The following ATG7 variants were observed in gnomAD, a reference collection of about 807,000 sequenced individuals.
ATG7 encodes autophagy related 7, also known as ubiquitin-like modifier-activating enzyme ATG7.
A neutral mutation model predicts 82.4 loss-of-function variants in ATG7; 70 were observed. The ratio of observed to expected loss-of-function variants is 0.85; its 90% confidence interval spans 0.70 to 1.04. The LOEUF (loss-of-function observed/expected upper bound fraction) is 1.04, where lower values mean the gene tolerates loss of function less well. ATG7 is among the 50% of genes least tolerant of loss of function. The probability of loss-of-function intolerance (pLI) is 0.00; values close to 1 mark genes in which losing one functional copy is unlikely to be tolerated. For missense variants in ATG7, 792 were observed against 864.3 expected (o/e 0.92, Z 1.05); for synonymous variants, 287 against 313.0 (o/e 0.92, Z 0.88).
At chr3:11,315,551 A>G (rs544373859) in intron 9 of ATG7, 58 bp downstream of exon 9, 3 of 1,412,286 alleles carry the variant, frequency 2.1e-6, no homozygotes, top group Non-Finnish European at 2.8e-6. Flanking sequence ...TCTGAAGTTC[A>G]TGTTACAAGA....
intron 18 of ATG7, among the ~76,000 whole-genome samples, chr3:11,371,675 G>C (rs550863173): frequency 1.3e-5 from 2 of 151,240 alleles, no homozygotes; most frequent in South Asian, 4.2e-4. Flanking sequence ...AGGGACATTA[G>C]GCATTTGAGA....
In ATG7 at chr3:11,511,667, T is replaced by C. The variant is rs980875697; in HGVS notation, c.2080-43144T>C. ...AGGGGGTGGTGCTCGTCGGGGAGGCTCCGGCCGCACAGGAGCCCATGGCGG... is the reference window on the plus strand; with the variant it reads ...AGGGGGTGGTGCTCGTCGGGGAGGCCCCGGCCGCACAGGAGCCCATGGCGG... On this transcript the variant is annotated intron_variant, in intron 20 of 20. Transcript: ENST00000693202. Among the ~76,000 whole-genome samples, 7 of 152,140 alleles carry C rather than the reference T, an allele frequency of 4.6e-5. No individual in the cohort carries two copies. In the South Asian group the frequency reaches 1.0e-3, roughly 23 times the overall value.
At chr3:11,430,904 T>G (rs1009522350) in intron 20 of ATG7, among the ~76,000 whole-genome samples, 2 of 152,170 alleles carry the variant, frequency 1.3e-5, no homozygotes, top group Non-Finnish European at 2.9e-5. Flanking sequence ...AAATAAAAGT[T>G]GGATTTTGGC....
At chr3:11,497,340 C>A (rs1413850599) in intron 20 of ATG7, among the ~76,000 whole-genome samples, 1 of 99,430 alleles carries the variant, frequency 1.0e-5, no homozygotes, top group African/African-American at 4.1e-5. Flanking sequence ...AGTGAAACCC[C>A]GTCTGTACTA....
intron 20 of ATG7, among the ~76,000 whole-genome samples, chr3:11,491,259 T>G (rs993883456): frequency 6.6e-6 from 1 of 152,184 alleles, no homozygotes; most frequent in Non-Finnish European, 1.5e-5. Context: ...TCCACTTGAT[T>G]GCATTGGCTC....
chr3:11,308,532 T>C (rs1484820671), intron 6 of ATG7: 2 of 159,924 alleles, frequency 1.3e-5, no homozygotes, highest in African/African-American at 4.8e-5. Flanking sequence ...TTCTACCTAC[T>C]TCTGTGACAG....
chr3:11,497,568 A>G lies in ATG7; in HGVS notation c.2080-57243A>G, dbSNP rs1028607520. Among the ~76,000 whole-genome samples, 4 of 142,954 alleles carry G rather than the reference A, an allele frequency of 2.8e-5. No homozygotes were observed. In the East Asian group the frequency reaches 8.2e-4, roughly 29 times the overall value. The allele number at this position is 142,954 out of a possible 152,430, so 93.8% of individuals were successfully genotyped here. ...AAAAAAAAAAAAATTCTGTCCCCCT[A>G]TTTCCCCTGATTTTCCGTAGTCTTT... On this transcript the variant is annotated intron_variant, in intron 20 of 20. Coordinates refer to ENST00000693202, the MANE Select transcript of ATG7 (RefSeq NM_001349232.2).
intron 9 of ATG7, among the ~76,000 whole-genome samples, chr3:11,325,420 A>C (rs1329494717): frequency 6.6e-6 from 1 of 152,130 alleles, no homozygotes; most frequent in Non-Finnish European, 1.5e-5. Context: ...GCCTGTAATC[A>C]CAGCACTTTG....
chr3:11,391,631 C>G (rs1029938734), intron 19 of ATG7, among the ~76,000 whole-genome samples: 1 of 152,192 alleles, frequency 6.6e-6, no homozygotes, highest in Non-Finnish European at 1.5e-5. Context: ...CCTCAATCAT[C>G]TTGCTTTTTC....
At chr3:11,330,152 G>C (rs1378231345) in intron 9 of ATG7, among the ~76,000 whole-genome samples, 1 of 152,260 alleles carries the variant, frequency 6.6e-6, no homozygotes, top group East Asian at 1.9e-4. Context: ...ATGTTAAATT[G>C]ATTGCTTGCT....
intron 20 of ATG7, among the ~76,000 whole-genome samples, chr3:11,462,185 C>T (rs1320132764): frequency 6.6e-6 from 1 of 152,016 alleles, no homozygotes; most frequent in Non-Finnish European, 1.5e-5. Flanking sequence ...CGTCTGCCAC[C>T]CTTCTAGAAC....
intron 20 of ATG7, among the ~76,000 whole-genome samples, chr3:11,524,120 G>C (rs887832740): frequency 3.3e-5 from 5 of 152,230 alleles, no homozygotes; most frequent in African/African-American, 1.2e-4. Context: ...AATATTCTCT[G>C]TTCCATCAAA....
At chr3:11,382,413 A>T (rs1156260519) in intron 19 of ATG7, among the ~76,000 whole-genome samples, 3 of 152,220 alleles carry the variant, frequency 2.0e-5, no homozygotes. Context: ...ATCATTTCTT[A>T]TCCTATGTGA....
intron 20 of ATG7, among the ~76,000 whole-genome samples, chr3:11,516,520 C>A (rs2092287561): frequency 6.6e-6 from 1 of 152,198 alleles, no homozygotes; most frequent in South Asian, 2.1e-4. Context: ...GGCACAGCCA[C>A]TTAAAACTAA....
chr3:11,331,457 C>T (rs757432804), intron 10 of ATG7, 29 bp downstream of exon 10: 2 of 1,500,982 alleles, frequency 1.3e-6, no homozygotes, highest in South Asian at 1.1e-5. Flanking sequence ...GTTTGTCTGT[C>T]TGTCTGCCTT....
intron 20 of ATG7, among the ~76,000 whole-genome samples, chr3:11,466,292 C>G (rs975210975): frequency 1.3e-5 from 2 of 152,098 alleles, no homozygotes; most frequent in African/African-American, 4.8e-5. Flanking sequence ...ATATGTTTTT[C>G]CCCTCTTAAT....
intron 5 of ATG7, 77 bp from the exon 6 acceptor site, chr3:11,306,866 C>A: frequency 9.0e-7 from 1 of 1,105,434 alleles, no homozygotes. Context: ...TTTTATCCCA[C>A]TACAGTGGTG....
intron 18 of ATG7, among the ~76,000 whole-genome samples, chr3:11,373,728 G>A (rs1033756127): frequency 1.3e-5 from 2 of 152,146 alleles, no homozygotes; most frequent in African/African-American, 4.8e-5. Flanking sequence ...TATTTATTAG[G>A]ACCTTTGCAT....
In ATG7 at chr3:11,336,378, GAA is replaced by G. The variant is rs377548566; in HGVS notation, c.889+3289_889+3290del. ...GGAACCACACCGTACATTTCCATTT[GAA>G]AAAGGTTTTCTGTCGTCCACTAATG... On this transcript the variant is annotated intron_variant, in intron 11 of 20. Transcript: ENST00000693202. 1.1e-4 allele frequency among the ~76,000 whole-genome samples: 16 copies of G among 152,180 alleles called. No homozygotes were observed. In the East Asian group the frequency reaches 2.9e-3, roughly 28 times the overall value.
Sources: allele counts gnomAD v4.1 joint callset (sites outside exome capture counted in the v4.1 genomes callset), GRCh38; gene constraint gnomAD v4.1.1; transcripts MANE v1.5; gene names NCBI Gene and HGNC (gene_info 2026-07-23, HGNC 2026-07-21).